SEMA5B: variants seen among roughly 807,000 people sequenced by gnomAD.
SEMA5B encodes semaphorin-5B.
In SEMA5B, 66 loss-of-function variants were observed where a neutral mutation model predicts 135.0. The ratio of observed to expected loss-of-function variants is 0.49; its 90% CI spans 0.40 to 0.60. The LOEUF is 0.60. SEMA5B is among the 20% of genes least tolerant of loss of function. The pLI is 0.00. For synonymous variants in SEMA5B, 690 were observed against 639.5 expected (o/e 1.08, Z -1.19); for missense variants, 1,501 against 1,566.3 (o/e 0.96, Z 0.70).
chr3:123,005,102 G>A (rs1942274658), intron 1 of SEMA5B, among the ~76,000 whole-genome samples: 1 of 152,088 alleles, frequency 6.6e-6, no homozygotes, highest in Non-Finnish European at 1.5e-5. Context: ...ACTCCTTCTA[G>A]GGATGAGCAC....
intron 3 of SEMA5B, 40 bp downstream of exon 3, chr3:122,948,466 G>A (rs368365922): frequency 6.8e-5 from 105 of 1,542,832 alleles, no homozygotes; most frequent in Middle Eastern, 2.3e-4. Context: ...TTCAGGACAC[G>A]GCCATTGCAA....
intron 1 of SEMA5B, among the ~76,000 whole-genome samples, chr3:122,988,372 T>C (rs1182934429): frequency 2.6e-5 from 4 of 152,092 alleles, no homozygotes. Flanking sequence ...ACAAAACCCA[T>C]ACCCAGCTAA....
Position 122,939,480 on chromosome 3 carries a change from T to C in SEMA5B, c.429-10A>G, listed in dbSNP as rs754047765. On this transcript the variant is annotated splice_polypyrimidine_tract_variant and intron_variant, in intron 4 of 22. Transcript: ENST00000357599. ...TCTGAAGAGGTAGTTCCTGTGAAAA[T>C]GGAAACAGACATCCTAAGTGACGCT... 3 of 1,611,082 alleles carry C rather than the reference T, an allele frequency of 1.9e-6. No individual in the cohort carries two copies. In the South Asian group the frequency reaches 3.3e-5, roughly 18 times the overall value.
intron 1 of SEMA5B, among the ~76,000 whole-genome samples, chr3:122,983,973 GGTCA>G (rs1300091617): frequency 2.6e-5 from 4 of 152,132 alleles, no homozygotes; most frequent in African/African-American, 4.8e-5. Flanking sequence ...AGCAAGGGCA[GGTCA>G]TTCCGAGAGT....
At chr3:122,988,415 A>G (rs1941765267) in intron 1 of SEMA5B, among the ~76,000 whole-genome samples, 1 of 152,232 alleles carries the variant, frequency 6.6e-6, no homozygotes, top group South Asian at 2.1e-4. Context: ...CCATGTGCTA[A>G]AGTCAAGTCT....
At chr3:122,928,941 C>A in intron 6 of SEMA5B, 55 bp downstream of exon 6, 3 of 1,563,384 alleles carry the variant, frequency 1.9e-6, no homozygotes, top group Non-Finnish European at 2.6e-6. Flanking sequence ...ATCCCCACAA[C>A]CACAGGCCTC....
intron 1 of SEMA5B, among the ~76,000 whole-genome samples, chr3:123,017,724 A>C (rs1211440625): frequency 2.0e-5 from 3 of 152,190 alleles, no homozygotes; most frequent in Non-Finnish European, 2.9e-5. Context: ...CCTGGCCAAT[A>C]TGGTGAAACC....
At chr3:123,008,465 G>A (rs1348684220) in intron 1 of SEMA5B, among the ~76,000 whole-genome samples, 1 of 152,136 alleles carries the variant, frequency 6.6e-6, no homozygotes, top group East Asian at 1.9e-4. Flanking sequence ...CCAGGAGAAG[G>A]GGCCTCGTGC....
chr3:122,955,982 C>T (rs1384776820), intron 2 of SEMA5B, among the ~76,000 whole-genome samples: 4 of 152,134 alleles, frequency 2.6e-5, no homozygotes, highest in African/African-American at 9.7e-5. Context: ...AAGGAGCTTA[C>T]AGTCTAAAAG....
intron 7 of SEMA5B, 150 bp from the exon 8 acceptor site, chr3:122,928,153 C>T: frequency 1.7e-6 from 1 of 591,580 alleles, no homozygotes; most frequent in South Asian, 3.0e-5. Context: ...CATGGTCCCT[C>T]TGAGGGAGCA....
intron 3 of SEMA5B, among the ~76,000 whole-genome samples, chr3:122,946,025 G>A (rs908281925): frequency 2.0e-5 from 3 of 152,196 alleles, no homozygotes; most frequent in Admixed American, 6.5e-5. Context: ...CCAGAGGGAA[G>A]GCTGTCTTTA....
At position 123,015,443 on chromosome 3, in the gene SEMA5B, G is replaced by T. The variant is rs555640024; in HGVS notation, c.-39+12021C>A. Among the ~76,000 whole-genome samples, 33 of 152,308 alleles carry T rather than the reference G, an allele frequency of 2.2e-4. No homozygotes were observed. The South Asian group carries it at 4.8e-3, about 22-fold the overall frequency. ...CTAAGCATACGGGTATGCTGGTCAG[G>T]CCTCACCTGGAGGGCCATCTTTGGT... On this transcript the variant is annotated intron_variant, in intron 1 of 22. Transcript: ENST00000357599.
chr3:122,926,295 A>T, intron 9 of SEMA5B, 97 bp downstream of exon 9: 1 of 1,197,218 alleles, frequency 8.4e-7, no homozygotes, highest in Non-Finnish European at 1.2e-6. Context: ...GGCAGGAGGC[A>T]CGGCAGTCCC....
intron 8 of SEMA5B, among the ~76,000 whole-genome samples, chr3:122,927,032 C>G (rs1938674822): frequency 6.6e-6 from 1 of 152,238 alleles, no homozygotes; most frequent in Admixed American, 6.5e-5. Flanking sequence ...CAAGGACACA[C>G]AGCTATTTAG....
At position 122,928,521 on chromosome 3, in the gene SEMA5B, C is replaced by A; in HGVS notation, c.632G>T (p.Arg211Ile). The A allele has an allele frequency of 6.4e-7, 1 of 1,557,980 alleles. No homozygotes were observed. ...CCTCCACCCTGAGGTGCCCACCTGT[C>A]TGCTGGTGCACATGGGGGAAAAGGC... Reference protein sequence around the residue: ...TNAFSPMCTSRQVGNLSRTIE... With the variant: ...TNAFSPMCTSIQVGNLSRTIE... Residue 211 changes from arginine to isoleucine, a missense_variant, in exon 7 of 23, where the codon AGA (arginine) becomes ATA (isoleucine). Coordinates refer to ENST00000357599, the MANE Select transcript of SEMA5B (RefSeq NM_001031702.4).
intron 1 of SEMA5B, among the ~76,000 whole-genome samples, chr3:123,002,340 T>G (rs999552914): frequency 6.6e-6 from 1 of 152,166 alleles, no homozygotes; most frequent in African/African-American, 2.4e-5. Context: ...AACCCATGCA[T>G]TCCCTCAGAA....
In SEMA5B at chr3:122,915,475, G is replaced by A. The variant is rs528444871; in HGVS notation, c.1953C>T (p.Cys651=). ...SPRPRCGGLD[C]LGPAIHIANC... Reference sequence around the variant, plus strand: ...TGGCGATGTGGATGGCTGGCCCCAGGCAGTCAAGGCCCCCACAGCGGGGTC... The same window carrying A: ...TGGCGATGTGGATGGCTGGCCCCAGACAGTCAAGGCCCCCACAGCGGGGTC... The change falls in exon 14 of 23, where the codon TGC becomes TGT. Residue 651 remains cysteine (C), a synonymous_variant. Coordinates refer to ENST00000357599, the MANE Select transcript of SEMA5B (RefSeq NM_001031702.4). 4 of 1,613,322 alleles carry A rather than the reference G, an allele frequency of 2.5e-6. No individual in the cohort carries two copies. The highest frequency in any genetic ancestry group is 4.5e-5 in the East Asian group (2 of 44,868).
intron 1 of SEMA5B, among the ~76,000 whole-genome samples, chr3:122,983,360 T>A (rs7647719): frequency 0.48 from 73,302 of 151,742 alleles, 19,728 homozygotes; most frequent in African/African-American, 0.72. Context: ...TCTAACTTAA[T>A]TTTTTTCTCC....
intron 9 of SEMA5B, among the ~76,000 whole-genome samples, chr3:122,925,866 G>T (rs1366014177): frequency 2.7e-5 from 4 of 150,318 alleles, no homozygotes; most frequent in Admixed American, 2.0e-4. Flanking sequence ...GAGGGGGTGG[G>T]AGGAGGGTCC....
Sources: gnomAD v4.1 joint callset for allele counts (sites outside exome capture counted in the v4.1 genomes callset) on GRCh38, gnomAD v4.1.1 for gene constraint, MANE v1.5 for transcripts, NCBI Gene and HGNC (gene_info 2026-07-23, HGNC 2026-07-21) for gene names.